The following LMBR1 variants were observed in gnomAD, a reference collection of about 807,000 sequenced individuals.
The protein encoded by LMBR1 is limb development membrane protein 1.
LMBR1 carries 52 observed loss-of-function variants against 73.9 expected under a neutral mutation model. That is an observed-to-expected ratio of 0.70 (90% CI 0.56 to 0.89). The LOEUF (loss-of-function observed/expected upper bound fraction) is 0.89, where lower values mean the gene tolerates loss of function less well. Among genes scored for constraint, LMBR1 ranks in the 40% least tolerant of loss-of-function variants. The pLI is 0.00. For synonymous variants in LMBR1, 215 were observed against 209.4 expected (o/e 1.03, Z -0.23); for missense variants, 539 against 579.8 (o/e 0.93, Z 0.72).
chr7:156,752,144 T>G (rs1821016104), intron 9 of LMBR1, among the ~76,000 whole-genome samples: 1 of 152,066 alleles, frequency 6.6e-6, no homozygotes, highest in African/African-American at 2.4e-5. Flanking sequence ...AAAAGACATT[T>G]CGAGGAGGAA....
rs1414548619 is a variant in LMBR1, at chr7:156,680,982, A to T, written c.*3096T>A. On this transcript the variant is annotated 3_prime_UTR_variant, in exon 17 of 17. Coordinates refer to ENST00000353442, the MANE Select transcript of LMBR1 (RefSeq NM_022458.4). ...ACAATTTGTAAACAAAACAATCTGT[A>T]AACAAAAATCAATTACTAGTGTGTC... 3.3e-6 allele frequency: 1 copy of T among 307,652 alleles called. No homozygotes were observed. The highest frequency in any genetic ancestry group is 2.3e-5 in the African/African-American group (1 of 43,566). 19.1% of individuals were successfully genotyped at this position (307,652 alleles called of 1,614,324 possible). A position where few individuals can be genotyped will look rare whatever the true frequency, so the allele number is the denominator to read the frequency against.
At chr7:156,871,228 AC>A in intron 1 of LMBR1, among the ~76,000 whole-genome samples, 1 of 152,316 alleles carries the variant, frequency 6.6e-6, no homozygotes, top group African/African-American at 2.4e-5. Flanking sequence ...CACCCTACCA[AC>A]AAGACTAAAT....
chr7:156,821,675 T>C (rs1219157970), intron 4 of LMBR1, among the ~76,000 whole-genome samples: 1 of 152,246 alleles, frequency 6.6e-6, no homozygotes, highest in Non-Finnish European at 1.5e-5. Context: ...AAAGTATTTG[T>C]GTCCCATGTG....
chr7:156,881,573 A>G (rs192238140), intron 1 of LMBR1, among the ~76,000 whole-genome samples: 113 of 152,338 alleles, frequency 7.4e-4, no homozygotes, highest in African/African-American at 2.5e-3. Flanking sequence ...TACAAACTGT[A>G]TATCTGAAAA....
In LMBR1 at chr7:156,682,566, G is replaced by A. The variant is rs1378997681; in HGVS notation, c.*1512C>T. 6.6e-6 allele frequency: 1 copy of A among 152,152 alleles called. No individual in the cohort carries two copies. Among genetic ancestry groups the A allele is most frequent in the Non-Finnish European group, 1.5e-5 (1 of 68,026 alleles). 9.4% of individuals were successfully genotyped at this position (152,152 alleles called of 1,614,324 possible). Reference sequence around the variant, plus strand: ...GAATGTTCTTTTATTTTAAAACCAAGCTGCATTTTAGAAAGATGTGAAGCT... The same window carrying A: ...GAATGTTCTTTTATTTTAAAACCAAACTGCATTTTAGAAAGATGTGAAGCT... On this transcript the variant is annotated 3_prime_UTR_variant, in exon 17 of 17. Transcript: ENST00000353442.
At chr7:156,751,247 A>G (rs55922037) in intron 9 of LMBR1, among the ~76,000 whole-genome samples, 6,152 of 152,316 alleles carry the variant, frequency 0.04, 178 homozygotes, top group Non-Finnish European at 0.049. Flanking sequence ...GGAAGCGTAG[A>G]GCAGAGGTAG....
intron 5 of LMBR1, among the ~76,000 whole-genome samples, chr7:156,766,872 AC>A (rs1563312565): frequency 6.6e-6 from 1 of 152,172 alleles, no homozygotes; most frequent in African/African-American, 2.4e-5. Context: ...GCCATGCAAC[AC>A]CAGGTAAAAG....
At chr7:156,792,003 C>T (rs1460376755) in intron 5 of LMBR1, among the ~76,000 whole-genome samples, 1 of 152,050 alleles carries the variant, frequency 6.6e-6, no homozygotes, top group Non-Finnish European at 1.5e-5. Flanking sequence ...TTTTTTCCTC[C>T]TGACATTTTT....
chr7:156,756,150 G>A (rs758500150), intron 9 of LMBR1, among the ~76,000 whole-genome samples: 3 of 152,116 alleles, frequency 2.0e-5, no homozygotes, highest in East Asian at 3.8e-4. Context: ...CAGTAGAGAG[G>A]TGTCTAGTCC....
intron 3 of LMBR1, among the ~76,000 whole-genome samples, chr7:156,831,078 G>C (rs144504153): frequency 6.6e-6 from 1 of 152,194 alleles, no homozygotes; most frequent in East Asian, 1.9e-4. Flanking sequence ...AATATTAAGT[G>C]TGGCACTTAG....
rs1420818612 is a variant in LMBR1 at position 156,725,561 on chromosome 7, T to A, written c.1068-36A>T. 4 of 1,460,516 alleles carry A rather than the reference T, an allele frequency of 2.7e-6. No homozygotes were observed. In the African/African-American group the frequency reaches 5.7e-5, roughly 21 times the overall value. The allele number at this position is 1,460,516 out of a possible 1,614,324, so 90.5% of individuals were successfully genotyped here. On this transcript the variant is annotated intron_variant, in intron 13 of 16. Transcript: ENST00000353442. ...CAAGGAAAAAAACTCTCCAACAGAATGCAAGTTTCCTAAGTTCTCGGCAGT... is the reference window on the plus strand; with the variant it reads ...CAAGGAAAAAAACTCTCCAACAGAAAGCAAGTTTCCTAAGTTCTCGGCAGT...
chr7:156,693,844 A>G lies in LMBR1; in HGVS notation c.1226-5653T>C, dbSNP rs542067423. Among the ~76,000 whole-genome samples the G allele has an allele frequency of 3.3e-5, 5 of 152,348 alleles. 1 individual carries two copies. Among genetic ancestry groups the G allele is most frequent in the Admixed American group, 2.6e-4 (4 of 15,304 alleles). On this transcript the variant is annotated intron_variant, in intron 15 of 16. Coordinates refer to ENST00000353442, the MANE Select transcript of LMBR1 (RefSeq NM_022458.4). The stretch of plus-strand genomic sequence containing the variant: ...CAATAAAAAGGCAACAAAAGTAAAG[A>G]AAACTACAGGGCAGTATTCCCAGTA...
intron 4 of LMBR1, among the ~76,000 whole-genome samples, chr7:156,808,079 A>G (rs1024735440): frequency 1.3e-5 from 2 of 152,140 alleles, no homozygotes; most frequent in Non-Finnish European, 2.9e-5. Flanking sequence ...CTGGAAAAGA[A>G]TATGTATTCT....
intron 4 of LMBR1, among the ~76,000 whole-genome samples, chr7:156,805,217 T>TC (rs1351753705): frequency 7.9e-6 from 1 of 126,792 alleles, no homozygotes; most frequent in African/African-American, 3.2e-5. Context: ...ATCATGCACT[T>TC]TTTTTTTTTT....
chr7:156,806,691 A>C (rs1832185449), intron 4 of LMBR1, among the ~76,000 whole-genome samples: 1 of 143,032 alleles, frequency 7.0e-6, no homozygotes, highest in Non-Finnish European at 1.5e-5. Context: ...AGCTCACTGC[A>C]ACCTCCACCT....
chr7:156,887,045 G>C (rs1441079024), intron 1 of LMBR1, among the ~76,000 whole-genome samples: 1 of 152,160 alleles, frequency 6.6e-6, no homozygotes, highest in African/African-American at 2.4e-5. Context: ...GCTCTCAAAA[G>C]AAAGGAAATC....
chr7:156,713,212 G>A (rs532833913), intron 15 of LMBR1, among the ~76,000 whole-genome samples: 1 of 152,252 alleles, frequency 6.6e-6, no homozygotes, highest in South Asian at 2.1e-4. Context: ...ACAGTAAGAA[G>A]ATTAGTGGCT....
rs376668159 is a variant in LMBR1 at position 156,892,698 on chromosome 7, C to CG, written c.66+229dup. ...GGGGGCAGGGGAGGCAAGAGCGGAG[C>CG]GGGGGGGCAGGCAGAGGAAGCGAAG... is the stretch of plus-strand genomic sequence containing the variant. On this transcript the variant is annotated intron_variant, in intron 1 of 16. Transcript: ENST00000353442. The CG allele has an allele frequency of 7.1e-5, 24 of 339,492 alleles. No homozygotes were observed. In the South Asian group the frequency reaches 1.3e-3, roughly 18 times the overall value. The allele number at this position is 339,492 out of a possible 1,614,324, so 21.0% of individuals were successfully genotyped here.
intron 1 of LMBR1, among the ~76,000 whole-genome samples, chr7:156,888,026 T>C (rs1802209196): frequency 6.6e-6 from 1 of 152,216 alleles, no homozygotes; most frequent in Non-Finnish European, 1.5e-5. Flanking sequence ...TTGGTGAAGA[T>C]GCGGAAGAAC....
Sources: allele counts gnomAD v4.1 joint callset (sites outside exome capture counted in the v4.1 genomes callset), GRCh38; gene constraint gnomAD v4.1.1; transcripts MANE v1.5; gene names NCBI Gene and HGNC (gene_info 2026-07-23, HGNC 2026-07-21).